FREM2: variants seen among roughly 807,000 people sequenced by gnomAD.
FREM2 encodes FRAS1 related extracellular matrix 2.
Under a neutral mutation model 219.9 loss-of-function variants are expected in FREM2, and 119 were observed. That is an observed-to-expected ratio of 0.54 (90% confidence interval 0.47 to 0.63). FREM2 has a LOEUF of 0.63. FREM2 is among the 30% of genes least tolerant of loss of function. FREM2 has a pLI of 0.00. For missense variants in FREM2, 4,030 were observed against 3,993.6 expected (o/e 1.01, Z -0.25); for synonymous variants, 1,562 against 1,522.8 (o/e 1.03, Z -0.60).
intron 21 of FREM2, among the ~76,000 whole-genome samples, chr13:38,877,503 C>T (rs978682624): frequency 1.3e-5 from 2 of 151,914 alleles, no homozygotes; most frequent in Non-Finnish European, 2.9e-5. Flanking sequence ...ATGATTTTCT[C>T]GAATGTTTTT....
At chr13:38,809,334 A>G (rs955299730) in intron 6 of FREM2, among the ~76,000 whole-genome samples, 3 of 151,064 alleles carry the variant, frequency 2.0e-5, no homozygotes, top group Non-Finnish European at 4.4e-5. Flanking sequence ...GCAGGTACGT[A>G]GTAGGTGTAT....
chr13:38,717,633 T>G (rs961143002), intron 2 of FREM2, among the ~76,000 whole-genome samples: 1 of 151,836 alleles, frequency 6.6e-6, no homozygotes, highest in Non-Finnish European at 1.5e-5. Flanking sequence ...GCCAGGCTGG[T>G]CTTGAACTCT....
chr13:38,837,191 G>A (rs935686153), intron 6 of FREM2, among the ~76,000 whole-genome samples: 1 of 152,006 alleles, frequency 6.6e-6, no homozygotes, highest in Non-Finnish European at 1.5e-5. Context: ...CCTTAATTTC[G>A]TTATTTACTC....
At chr13:38,719,464 G>A (rs973050662) in intron 2 of FREM2, among the ~76,000 whole-genome samples, 10 of 151,998 alleles carry the variant, frequency 6.6e-5, no homozygotes, top group East Asian at 1.9e-4. Context: ...TAGGTGATCC[G>A]CCCACCTTGG....
chr13:38,875,909 T>C, intron 18 of FREM2, 113 bp from the exon 19 acceptor site: 1 of 1,041,056 alleles, frequency 9.6e-7, no homozygotes, highest in Non-Finnish European at 1.5e-6. Flanking sequence ...GCAGCCTTCT[T>C]ATAAAAACAG....
At chr13:38,750,972 G>A (rs1333517029) in intron 2 of FREM2, among the ~76,000 whole-genome samples, 2 of 152,172 alleles carry the variant, frequency 1.3e-5, no homozygotes, top group East Asian at 3.9e-4. Flanking sequence ...GCTGTTTTCT[G>A]TAGTGGCTGC....
At chr13:38,849,269 GA>G (rs896324406) in intron 8 of FREM2, among the ~76,000 whole-genome samples, 2 of 151,810 alleles carry the variant, frequency 1.3e-5, no homozygotes, top group African/African-American at 4.8e-5. Context: ...AAACCTTAAA[GA>G]AAAAAAATGT....
chr13:38,803,851 T>C (rs1203138768), intron 6 of FREM2, among the ~76,000 whole-genome samples: 1 of 151,598 alleles, frequency 6.6e-6, no homozygotes, highest in African/African-American at 2.4e-5. Context: ...AGAAAAGCTT[T>C]CTCAACAGCA....
chr13:38,736,827 T>C (rs752433076), intron 2 of FREM2, among the ~76,000 whole-genome samples: 18 of 152,194 alleles, frequency 1.2e-4, no homozygotes, highest in Middle Eastern at 3.2e-3. Flanking sequence ...TAACTTTTAG[T>C]GAAAGATGCA....
intron 6 of FREM2, among the ~76,000 whole-genome samples, chr13:38,814,593 T>C (rs2137869031): frequency 6.6e-6 from 1 of 152,256 alleles, no homozygotes; most frequent in Non-Finnish European, 1.5e-5. Flanking sequence ...GGAACTATGC[T>C]GAGTCACACC....
In FREM2 at chr13:38,864,562, G is replaced by A; in HGVS notation, c.7939G>A (p.Glu2647Lys). Residue 2647 changes from glutamate to lysine, a missense_variant, in exon 16 of 24, where the codon GAA (glutamate) becomes AAA (lysine). Glu to Lys is a moderately conservative substitution (Grantham distance 56). This residue lies in a region of FREM2 where 928 missense variants were observed against 1,042.9 expected (regional missense o/e 0.89). Coordinates refer to ENST00000280481, the MANE Select transcript of FREM2 (RefSeq NM_207361.6). ...WEFVSYYDMS[E>K]LLADCGGTIG... The stretch of plus-strand genomic sequence containing the variant: ...GTTCGTTAGCTACTATGACATGTCA[G>A]AACTCCTTGCTGACTGTGGTGGCAC... 2 of 1,614,224 alleles carry A rather than the reference G, an allele frequency of 1.2e-6. No individual in the cohort carries two copies. Among genetic ancestry groups the A allele is most frequent in the East Asian group, 2.2e-5 (1 of 44,890 alleles).
chr13:38,739,757 T>C (rs948900262), intron 2 of FREM2, among the ~76,000 whole-genome samples: 3 of 152,210 alleles, frequency 2.0e-5, no homozygotes, highest in African/African-American at 7.2e-5. Flanking sequence ...ACGGTGGTTC[T>C]AAGAGCAGGG....
chr13:38,850,868 C>T, intron 9 of FREM2, 76 bp from the exon 10 acceptor site: 3 of 1,546,148 alleles, frequency 1.9e-6, no homozygotes, highest in Non-Finnish European at 1.8e-6. Context: ...AACAAACTTG[C>T]CCTTATGGTG....
rs748120213 is a variant in FREM2 at position 38,859,582 on chromosome 13, GAGA to G, written c.7517_7519del (p.Glu2506del). The G allele has an allele frequency of 6.2e-6, 10 of 1,613,674 alleles. No individual in the cohort carries two copies. Among genetic ancestry groups the G allele is most frequent in the Middle Eastern group, 3.4e-4 (2 of 5,906 alleles). The stretch of plus-strand genomic sequence containing the variant: ...ATGAGCCCTATTGTAACCATCAGCA[GAGA>G]AGAAGGTCAGTCATTGCCATTTTCC... On this transcript the variant is annotated inframe_deletion, in exon 14 of 24. Coordinates refer to ENST00000280481, the MANE Select transcript of FREM2 (RefSeq NM_207361.6).
chr13:38,690,708 C>T lies in FREM2; in HGVS notation c.3364C>T (p.Pro1122Ser). The change falls in exon 1 of 24, where the codon CCA becomes TCA. Residue 1122 changes from proline to serine, a missense_variant. Physicochemically the swap from Pro to Ser is moderately conservative, Grantham distance 74. Coordinates refer to ENST00000280481, the MANE Select transcript of FREM2 (RefSeq NM_207361.6). ...SGYVENISPAPGSEKSRAGIA... is the reference protein window; with the variant it reads ...SGYVENISPASGSEKSRAGIA... ...TTATGTTGAAAACATTTCTCCAGCA[C>T]CAGGCTCTGAGAAATCAAGAGCAGG... The T allele has an allele frequency of 6.2e-7, 1 of 1,614,012 alleles. No individual in the cohort carries two copies. Among genetic ancestry groups the T allele is most frequent in the Non-Finnish European group, 8.5e-7 (1 of 1,180,028 alleles).
chr13:38,790,483 C>G (rs1419802024), intron 6 of FREM2, among the ~76,000 whole-genome samples: 1 of 152,000 alleles, frequency 6.6e-6, no homozygotes, highest in Non-Finnish European at 1.5e-5. Flanking sequence ...GTATATCCTT[C>G]AAAATATTGC....
Position 38,687,388 on chromosome 13 carries a change from G to C in FREM2, c.44G>C (p.Gly15Ala), listed in dbSNP as rs568959201. 1 of 1,608,884 alleles carries C rather than the reference G, an allele frequency of 6.2e-7. No individual in the cohort carries two copies. The highest frequency in any genetic ancestry group is 2.2e-5 in the East Asian group (1 of 44,658). The change falls in exon 1 of 24, where the codon GGC becomes GCC. Residue 15 changes from glycine (G) to alanine (A), a missense_variant. Around this residue, in one of 2 missense-constraint regions of FREM2, gnomAD observed 3,102 missense variants for 2,950.7 expected, o/e 1.05. Transcript: ENST00000280481. Reference protein sequence around the residue: ...GTPGLSSRRTGNSTSFQPGPP... With the variant: ...GTPGLSSRRTANSTSFQPGPP... ...CCCGGGTTATCCTCGCGCCGGACAG[G>C]CAACTCCACCAGCTTTCAACCAGGA...
intron 6 of FREM2, among the ~76,000 whole-genome samples, chr13:38,837,870 G>T (rs1284003292): frequency 6.6e-6 from 1 of 151,814 alleles, no homozygotes; most frequent in Non-Finnish European, 1.5e-5. Context: ...CGTGAGATGG[G>T]TCTTCTGAAT....
Position 38,689,566 on chromosome 13 carries a change from C to T in FREM2, c.2222C>T (p.Thr741Ile). ...ACAGATGACCGAGAACTACGTTACA[C>T]AGTGACTCAGCCCCCCACAGACACA... Reference protein sequence around the residue: ...LDTDDRELRYTVTQPPTDTDE... With the variant: ...LDTDDRELRYIVTQPPTDTDE... Residue 741 changes from threonine (T) to isoleucine (I), a missense_variant, in exon 1 of 24, where the codon ACA (threonine) becomes ATA (isoleucine). Physicochemically the swap from Thr to Ile is moderately conservative, Grantham distance 89 (BLOSUM62 -1). Coordinates refer to ENST00000280481, the MANE Select transcript of FREM2 (RefSeq NM_207361.6). 1 of 1,613,112 alleles carries T rather than the reference C, an allele frequency of 6.2e-7. No homozygotes were observed. The highest frequency in any genetic ancestry group is 8.5e-7 in the Non-Finnish European group (1 of 1,179,360).
Sources: allele counts gnomAD v4.1 joint callset (sites outside exome capture counted in the v4.1 genomes callset), GRCh38; gene constraint gnomAD v4.1.1; regional missense constraint gnomAD v4.1.1; transcripts MANE v1.5; gene names NCBI Gene and HGNC (gene_info 2026-07-23, HGNC 2026-07-21).